ZFHX4: variants seen among roughly 807,000 people sequenced by gnomAD.
ZFHX4 encodes zinc finger homeobox protein 4.
A neutral mutation model predicts 267.6 loss-of-function variants in ZFHX4; 56 were observed. The observed-to-expected ratio is 0.21, with a 90% CI of 0.17 to 0.26. The LOEUF is 0.26. Among genes scored for constraint, ZFHX4 ranks in the 10% least tolerant of loss-of-function variants. The pLI is 1.00. For missense variants in ZFHX4, 4,332 were observed against 4,420.0 expected (o/e 0.98, Z 0.56); for synonymous variants, 1,778 against 1,665.6 (o/e 1.07, Z -1.64).
chr8:76,716,592 A>G (rs762173202), intron 3 of ZFHX4, among the ~76,000 whole-genome samples: 1 of 152,238 alleles, frequency 6.6e-6, no homozygotes, highest in South Asian at 2.1e-4. Flanking sequence ...ATATTTGAGG[A>G]TAGGAAGAGC....
At chr8:76,788,374 C>T (rs1810748149) in intron 4 of ZFHX4, among the ~76,000 whole-genome samples, 1 of 152,190 alleles carries the variant, frequency 6.6e-6, no homozygotes, top group Non-Finnish European at 1.5e-5. Flanking sequence ...CATCAGTGAT[C>T]TTCTCTAGTA....
chr8:76,807,815 A>T (rs571024588), intron 4 of ZFHX4, among the ~76,000 whole-genome samples: 1 of 152,280 alleles, frequency 6.6e-6, no homozygotes, highest in South Asian at 2.1e-4. Flanking sequence ...GGCAATAAAG[A>T]CACAACAAAT....
chr8:76,819,411 G>A (rs183159316), intron 4 of ZFHX4, among the ~76,000 whole-genome samples: 3 of 152,102 alleles, frequency 2.0e-5, no homozygotes, highest in Admixed American at 6.6e-5. Context: ...TGGAACTTCC[G>A]TAATGGGACT....
intron 6 of ZFHX4, 59 bp from the exon 7 acceptor site, chr8:76,848,936 T>G: frequency 1.4e-6 from 2 of 1,421,702 alleles, no homozygotes; most frequent in Non-Finnish European, 9.2e-7. Context: ...AAAACATAAT[T>G]TTTCTCATTT....
intron 4 of ZFHX4, among the ~76,000 whole-genome samples, chr8:76,786,670 C>G (rs1810700011): frequency 6.6e-6 from 1 of 152,016 alleles, no homozygotes; most frequent in African/African-American, 2.4e-5. Context: ...TACTCCCTAG[C>G]TAAGTTTTTA....
intron 3 of ZFHX4, among the ~76,000 whole-genome samples, chr8:76,744,914 G>A (rs1216434488): frequency 6.6e-6 from 1 of 152,124 alleles, no homozygotes. Context: ...CAATCTGGGA[G>A]TTTCTATTTC....
In ZFHX4 at chr8:76,855,742, C is replaced by T; in HGVS notation, c.8821C>T (p.Leu2941Phe). 6.2e-7 allele frequency: 1 copy of T among 1,613,976 alleles called. No individual in the cohort carries two copies. The highest frequency in any genetic ancestry group is 8.5e-7 in the Non-Finnish European group (1 of 1,179,880). The change falls in exon 10 of 11, where the codon CTC (leucine) becomes TTC (phenylalanine). Residue 2941 changes from leucine (L) to phenylalanine (F), a missense_variant. Leu to Phe is a conservative substitution (Grantham distance 22). This residue lies in a region of ZFHX4 where 1,648 missense variants were observed against 1,625.0 expected (regional missense o/e 1.01). Coordinates refer to ENST00000651372, the MANE Select transcript of ZFHX4 (RefSeq NM_024721.5). ...TCGAACGCAAATGAGCAATCTTCAACTCAAGGTTCTCAAGGCTTGCTTTAG... is the reference window on the plus strand; with the variant it reads ...TCGAACGCAAATGAGCAATCTTCAATTCAAGGTTCTCAAGGCTTGCTTTAG... ...RFRTQMSNLQLKVLKACFSDY... is the reference protein window; with the variant it reads ...RFRTQMSNLQFKVLKACFSDY...
At chr8:76,762,438 T>C (rs1195842461) in intron 3 of ZFHX4, among the ~76,000 whole-genome samples, 1 of 152,168 alleles carries the variant, frequency 6.6e-6, no homozygotes, top group Non-Finnish European at 1.5e-5. Context: ...ATGTGAACAA[T>C]ATTTTGTAAG....
At chr8:76,862,883 G>T (rs1320722032) in intron 10 of ZFHX4, among the ~76,000 whole-genome samples, 1 of 152,042 alleles carries the variant, frequency 6.6e-6, no homozygotes, top group Non-Finnish European at 1.5e-5. Flanking sequence ...AGAGTTATTG[G>T]TGGGGGTTAA....
chr8:76,776,597 T>C (rs1484387527), intron 3 of ZFHX4, among the ~76,000 whole-genome samples: 1 of 152,186 alleles, frequency 6.6e-6, no homozygotes, highest in Non-Finnish European at 1.5e-5. Flanking sequence ...TCTCATCTTT[T>C]GAATCTTTCA....
At chr8:76,815,111 G>A (rs1250043950) in intron 4 of ZFHX4, among the ~76,000 whole-genome samples, 2 of 152,168 alleles carry the variant, frequency 1.3e-5, no homozygotes, top group Non-Finnish European at 2.9e-5. Flanking sequence ...GAGAGTGAGG[G>A]AAATTATTTG....
At chr8:76,725,111 A>G (rs1237259350) in intron 3 of ZFHX4, among the ~76,000 whole-genome samples, 9 of 152,048 alleles carry the variant, frequency 5.9e-5, no homozygotes, top group Non-Finnish European at 1.2e-4. Context: ...CTATAATTGG[A>G]CAATTTTCTT....
intron 3 of ZFHX4, among the ~76,000 whole-genome samples, chr8:76,725,370 G>C (rs532580327): frequency 1.3e-5 from 2 of 152,148 alleles, no homozygotes; most frequent in African/African-American, 2.4e-5. Flanking sequence ...AAATAGTCTA[G>C]CGGTTCTGTA....
At chr8:76,831,891 A>G (rs912105779) in intron 4 of ZFHX4, among the ~76,000 whole-genome samples, 2 of 152,032 alleles carry the variant, frequency 1.3e-5, no homozygotes, top group African/African-American at 4.8e-5. Flanking sequence ...AGTGACATGT[A>G]GGATGTCAAT....
intron 3 of ZFHX4, among the ~76,000 whole-genome samples, chr8:76,749,713 A>G (rs1563499816): frequency 6.6e-6 from 1 of 152,186 alleles, no homozygotes; most frequent in Admixed American, 6.5e-5. Context: ...ATCATGCTAC[A>G]AAATTCTTTC....
chr8:76,861,745 CA>C (rs1409330238), intron 10 of ZFHX4, among the ~76,000 whole-genome samples: 1 of 151,154 alleles, frequency 6.6e-6, no homozygotes, highest in Non-Finnish European at 1.5e-5. Context: ...GAAAAAGAAG[CA>C]TACAGTTTTT....
chr8:76,710,355 CTG>C (rs763280034), intron 3 of ZFHX4, among the ~76,000 whole-genome samples: 3 of 152,076 alleles, frequency 2.0e-5, no homozygotes, highest in Non-Finnish European at 2.9e-5. Flanking sequence ...ATTTCAGAAA[CTG>C]TGAATCATAG....
chr8:76,698,169 A>G (rs1174105180), intron 1 of ZFHX4, among the ~76,000 whole-genome samples: 1 of 152,146 alleles, frequency 6.6e-6, no homozygotes, highest in South Asian at 2.1e-4. Context: ...TTCATTTTCA[A>G]TTAGAATGAA....
chr8:76,711,527 G>GATTTA (rs1341142938), intron 3 of ZFHX4, among the ~76,000 whole-genome samples: 1 of 152,096 alleles, frequency 6.6e-6, no homozygotes, highest in East Asian at 1.9e-4. Flanking sequence ...CCATTTATTA[G>GATTTA]ATTTAATTAT....
Sources: gnomAD v4.1 joint callset for allele counts (sites outside exome capture counted in the v4.1 genomes callset) on GRCh38, gnomAD v4.1.1 for gene constraint, gnomAD v4.1.1 regional missense constraint, MANE v1.5 for transcripts, NCBI Gene and HGNC (gene_info 2026-07-23, HGNC 2026-07-21) for gene names.